Variants in PKD1L3 observed in about 807,000 individuals in gnomAD.
PKD1L3 encodes the protein polycystin 1 like 3, transient receptor potential channel interacting.
Under a neutral mutation model 184.1 loss-of-function variants are expected in PKD1L3, and 239 were observed. That is an observed-to-expected ratio of 1.30 (90% CI 1.17 to 1.45). The LOEUF (loss-of-function observed/expected upper bound fraction) is 1.45, where lower values mean the gene tolerates loss of function less well. Among genes scored for constraint, PKD1L3 ranks in the 40% most tolerant of loss-of-function variants. The probability of loss-of-function intolerance (pLI) is 0.00; values close to 1 mark genes in which losing one functional copy is unlikely to be tolerated. For missense variants in PKD1L3, 2,660 were observed against 2,067.2 expected (o/e 1.29, Z -5.56); for synonymous variants, 996 against 778.8 (o/e 1.28, Z -4.64).
chr16:71,934,264 T>C (rs1257085339), intron 26 of PKD1L3, 139 bp from the exon 27 acceptor site: 4 of 745,074 alleles, frequency 5.4e-6, no homozygotes, highest in East Asian at 2.7e-5. Context: ...CTGCTTTCTA[T>C]TGTGGCCTCC....
chr16:71,976,309 G>A (rs1303731690), intron 11 of PKD1L3, among the ~76,000 whole-genome samples: 21 of 120,554 alleles, frequency 1.7e-4, no homozygotes, highest in Admixed American at 5.9e-4. Flanking sequence ...AGCCTGGAGC[G>A]CAATGGTGCG....
intron 2 of PKD1L3, among the ~76,000 whole-genome samples, chr16:71,993,742 C>T (rs2040681272): frequency 6.6e-6 from 1 of 152,058 alleles, no homozygotes; most frequent in Admixed American, 6.6e-5. Flanking sequence ...CTGTAACTCT[C>T]ATTGGTAGAG....
intron 9 of PKD1L3, among the ~76,000 whole-genome samples, chr16:71,979,328 C>T (rs1175003093): frequency 1.3e-5 from 2 of 152,126 alleles, no homozygotes; most frequent in Admixed American, 1.3e-4. Context: ...CCTGTAATCC[C>T]AGCTACTTGG....
chr16:71,954,828 A>T (rs2038984083), intron 16 of PKD1L3, among the ~76,000 whole-genome samples: 1 of 152,184 alleles, frequency 6.6e-6, no homozygotes, highest in South Asian at 2.1e-4. Flanking sequence ...AAGCCACAGG[A>T]TTACTGAGCT....
In PKD1L3 at chr16:71,967,968, G is replaced by C. The variant is rs1253952522; in HGVS notation, c.2224C>G (p.Gln742Glu). The C allele has an allele frequency of 6.4e-7, 1 of 1,551,366 alleles. No individual in the cohort carries two copies. Among genetic ancestry groups the C allele is most frequent in the Non-Finnish European group, 8.7e-7 (1 of 1,146,890 alleles). The part of the protein sequence containing the change: ...TVLADNDPSA[Q>E]FHYLIQVYTG... ...TAGACCTGAATAAGGTAGTGAAATTGAGCGCTGGGGTCATTATCAGCCAGG... is the reference window on the plus strand; with the variant it reads ...TAGACCTGAATAAGGTAGTGAAATTCAGCGCTGGGGTCATTATCAGCCAGG... Residue 742 changes from glutamine (Q) to glutamate (E), a missense_variant, in exon 14 of 30, where the codon CAA becomes GAA. Coordinates refer to ENST00000620267, the MANE Select transcript of PKD1L3 (RefSeq NM_181536.2).
At chr16:71,946,149 GGTTTCACCAT>G (rs1482105857) in intron 22 of PKD1L3, among the ~76,000 whole-genome samples, 7 of 152,214 alleles carry the variant, frequency 4.6e-5, no homozygotes, top group African/African-American at 1.7e-4. Context: ...GTAGAGACAG[GGTTTCACCAT>G]GTTGGCCAGG....
At chr16:71,987,873 G>A (rs1712087041) in intron 4 of PKD1L3, among the ~76,000 whole-genome samples, 1 of 152,116 alleles carries the variant, frequency 6.6e-6, no homozygotes, top group South Asian at 2.1e-4. Flanking sequence ...GACGGTATGT[G>A]AGGAGTGCAA....
At chr16:71,991,591 C>A (rs1225316439) in intron 3 of PKD1L3, among the ~76,000 whole-genome samples, 2 of 152,102 alleles carry the variant, frequency 1.3e-5, no homozygotes, top group Non-Finnish European at 2.9e-5. Context: ...AAATACGAAA[C>A]CATTCTTTTT....
intron 6 of PKD1L3, among the ~76,000 whole-genome samples, chr16:71,983,579 G>A (rs2040240127): frequency 6.7e-6 from 1 of 149,430 alleles, no homozygotes; most frequent in Non-Finnish European, 1.5e-5. Context: ...CAGATTTAAA[G>A]GTAAAAAAAT....
rs1311636525 is a variant in PKD1L3, at chr16:71,973,395, C to T, written c.1882G>A (p.Val628Ile). 1.3e-6 allele frequency: 2 copies of T among 1,551,552 alleles called. No homozygotes were observed. Among genetic ancestry groups the T allele is most frequent in the East Asian group, 2.4e-5 (1 of 40,924 alleles). The change falls in exon 12 of 30, where the codon GTC becomes ATC. Residue 628 changes from valine to isoleucine, a missense_variant. Physicochemically the swap from Val to Ile is conservative, Grantham distance 29. Transcript: ENST00000620267. ...GAQQTPSLVS[V>I]ITAVTQCYYW... ...TAACACTGAGTGACGGCGGTGATGACCGAGACCAAGCTGGGTGTCTGCTGA... is the reference window on the plus strand; with the variant it reads ...TAACACTGAGTGACGGCGGTGATGATCGAGACCAAGCTGGGTGTCTGCTGA...
rs2039564306 is a variant in PKD1L3 at position 71,967,959 on chromosome 16, A to G, written c.2233T>C (p.Tyr745His). ...TATCCGGTGTAGACCTGAATAAGGT[A>G]GTGAAATTGAGCGCTGGGGTCATTA... ...ADNDPSAQFH[Y>H]LIQVYTGYRR... The change falls in exon 14 of 30, where the codon TAC becomes CAC. Residue 745 changes from tyrosine (Y) to histidine (H), a missense_variant. Physicochemically the swap from Tyr to His is moderately conservative, Grantham distance 83. Transcript: ENST00000620267. The G allele has an allele frequency of 1.3e-6, 2 of 1,551,630 alleles. No homozygotes were observed. Among genetic ancestry groups the G allele is most frequent in the Non-Finnish European group, 1.7e-6 (2 of 1,146,914 alleles).
intron 3 of PKD1L3, among the ~76,000 whole-genome samples, chr16:71,992,496 T>G (rs1024068148): frequency 6.6e-6 from 1 of 152,190 alleles, no homozygotes; most frequent in Non-Finnish European, 1.5e-5. Context: ...ATTGCATTAA[T>G]TATCATCAGA....
At chr16:71,992,521 T>A in intron 3 of PKD1L3, among the ~76,000 whole-genome samples, 1 of 152,214 alleles carries the variant, frequency 6.6e-6, no homozygotes, top group Admixed American at 6.5e-5. Flanking sequence ...CTTTTGGATT[T>A]AACAGTTTTC....
intron 6 of PKD1L3, 64 bp downstream of exon 6, chr16:71,983,972 C>G (rs1048929207): frequency 1.6e-5 from 25 of 1,535,566 alleles, no homozygotes; most frequent in Non-Finnish European, 2.0e-5. Context: ...CTCAGATTCT[C>G]TTTTTCTGTT....
At chr16:71,981,188 A>T (rs1183624020) in intron 7 of PKD1L3, among the ~76,000 whole-genome samples, 5 of 152,174 alleles carry the variant, frequency 3.3e-5, no homozygotes. Context: ...GCTGCTACAA[A>T]CTTGAGTGTA....
At chr16:71,982,567 G>A (rs1248469825) in intron 6 of PKD1L3, among the ~76,000 whole-genome samples, 2 of 152,080 alleles carry the variant, frequency 1.3e-5, no homozygotes, top group Non-Finnish European at 2.9e-5. Context: ...TTACAGGTGT[G>A]AGCCACCACG....
At chr16:71,932,410 T>C (rs1485393372) in intron 28 of PKD1L3, among the ~76,000 whole-genome samples, 1 of 152,254 alleles carries the variant, frequency 6.6e-6, no homozygotes. Context: ...TGAGTAGTTA[T>C]TAACTCAACA....
Position 71,977,560 on chromosome 16 carries a change from C to CTTTTTTTTTTTTTTTTTTT in PKD1L3, c.1528-112_1528-94dup, listed in dbSNP as rs1555523481. ...GATAAGGTAAGGAAACGTCCTAGCTCTTTTTTTTTTTTTTTTTTTTGAGAT... is the reference window on the plus strand; with the variant it reads ...GATAAGGTAAGGAAACGTCCTAGCTCTTTTTTTTTTTTTTTTTTTTTTTTTTTTTTTTTTTTTTTGAGAT... On this transcript the variant is annotated intron_variant, in intron 10 of 29. Coordinates refer to ENST00000620267, the MANE Select transcript of PKD1L3 (RefSeq NM_181536.2). 2 of 500,298 alleles carry CTTTTTTTTTTTTTTTTTTT rather than the reference C, an allele frequency of 4.0e-6. 1 individual carries two copies. 31.0% of individuals were successfully genotyped at this position (500,298 alleles called of 1,614,324 possible). A position where few individuals can be genotyped will look rare whatever the true frequency, so the allele number is the denominator to read the frequency against.
At chr16:71,964,459 C>A (rs1184628900) in intron 15 of PKD1L3, among the ~76,000 whole-genome samples, 1 of 150,950 alleles carries the variant, frequency 6.6e-6, no homozygotes, top group Non-Finnish European at 1.5e-5. Flanking sequence ...CTGCCTCAGC[C>A]TCCCAAGTAG....
Sources: gnomAD v4.1 joint callset for allele counts (sites outside exome capture counted in the v4.1 genomes callset) on GRCh38, gnomAD v4.1.1 for gene constraint, MANE v1.5 for transcripts, NCBI Gene and HGNC (gene_info 2026-07-23, HGNC 2026-07-21) for gene names.